The following ZNF519 variants were observed in gnomAD, a reference collection of about 807,000 sequenced individuals.
ZNF519 encodes zinc finger protein 519.
A neutral mutation model predicts 7.4 loss-of-function variants in ZNF519; 7 were observed. That is an observed-to-expected ratio of 0.94 (90% CI 0.54 to 1.77). ZNF519 has a LOEUF of 1.77. ZNF519 is among the 40% of genes most tolerant of loss of function. The pLI is 0.00. For missense variants in ZNF519, 586 were observed against 623.1 expected (o/e 0.94, Z 0.63); for synonymous variants, 179 against 203.3 (o/e 0.88, Z 1.02).
rs1441527312 is a variant in ZNF519 at position 14,104,231 on chromosome 18, G to C, written c.*686C>G. The C allele has an allele frequency of 6.6e-6, 1 of 152,124 alleles. No individual in the cohort carries two copies. Among genetic ancestry groups the C allele is most frequent in the Non-Finnish European group, 1.5e-5 (1 of 68,002 alleles). 9.4% of individuals were successfully genotyped at this position (152,124 alleles called of 1,614,324 possible). ...AGCAAGACCTTTTAATGGGTAGTTG[G>C]TAAAACTATTCATATCTAAAACTCA... is the stretch of plus-strand genomic sequence containing the variant. On this transcript the variant is annotated 3_prime_UTR_variant, in exon 3 of 3. Coordinates refer to ENST00000590202, the MANE Select transcript of ZNF519 (RefSeq NM_145287.4).
At chr18:14,118,477 C>T (rs923968906) in intron 2 of ZNF519, among the ~76,000 whole-genome samples, 5 of 152,142 alleles carry the variant, frequency 3.3e-5, no homozygotes, top group African/African-American at 1.2e-4. Context: ...GTATATGATT[C>T]CACTTACATA....
chr18:14,131,817 T>G (rs1304763745), intron 1 of ZNF519, among the ~76,000 whole-genome samples: 2 of 152,192 alleles, frequency 1.3e-5, no homozygotes, highest in African/African-American at 4.8e-5. Flanking sequence ...AAGCCTTTCT[T>G]TCAAGACCTT....
chr18:14,122,642 T>C (rs1056037320), intron 2 of ZNF519: 7 of 151,780 alleles, frequency 4.6e-5, no homozygotes, highest in African/African-American at 1.7e-4. Flanking sequence ...TTTAAGAGCA[T>C]GAGACAGAAG....
chr18:14,124,294 A>C (rs113557883), intron 2 of ZNF519, 56 bp downstream of exon 2: 3 of 1,519,552 alleles, frequency 2.0e-6, no homozygotes, highest in Admixed American at 4.4e-5. Context: ...GTCTACAAAG[A>C]AAGAAAATAA....
At chr18:14,099,825 C>G (rs1374193286), downstream of ZNF519, 1 of 152,136 alleles carries the variant, frequency 6.6e-6, no homozygotes, top group Non-Finnish European at 1.5e-5. Context: ...TCCAGCAACT[C>G]TGGAAAGATT....
chr18:14,096,769 A>G (rs1239146658), downstream of ZNF519, among the ~76,000 whole-genome samples: 1 of 152,206 alleles, frequency 6.6e-6, no homozygotes, highest in Non-Finnish European at 1.5e-5. Flanking sequence ...TCTCTTGTGC[A>G]AAACAGAAAA....
intron 3 of ZNF519, among the ~76,000 whole-genome samples, chr18:14,083,784 A>G (rs11872922): frequency 0.069 from 10,446 of 152,198 alleles, 1,186 homozygotes; most frequent in African/African-American, 0.24. Flanking sequence ...AATGAAGTCA[A>G]GTAGAACAAG....
chr18:14,120,016 T>G (rs1259865204), intron 2 of ZNF519, among the ~76,000 whole-genome samples: 1 of 152,172 alleles, frequency 6.6e-6, no homozygotes, highest in Non-Finnish European at 1.5e-5. Context: ...GATTTAAAGT[T>G]TTAGTGGAAT....
At chr18:14,116,484 T>C (rs1353933962) in intron 2 of ZNF519, among the ~76,000 whole-genome samples, 5 of 152,084 alleles carry the variant, frequency 3.3e-5, no homozygotes, top group African/African-American at 9.7e-5. Context: ...TGGAACAGAA[T>C]GGAGAACTCA....
intron 2 of ZNF519, chr18:14,090,147 A>C (rs1034719521): frequency 6.6e-6 from 1 of 152,200 alleles, no homozygotes; most frequent in African/African-American, 2.4e-5. Flanking sequence ...AGACCTGTTC[A>C]ATCTGTTAGA....
Position 14,102,856 on chromosome 18 carries a change from TAATATA to T in ZNF519, c.*2055_*2060del, listed in dbSNP as rs922491148. 2.0e-5 allele frequency: 3 copies of T among 152,034 alleles called. No individual in the cohort carries two copies. Among genetic ancestry groups the T allele is most frequent in the South Asian group, 2.1e-4 (1 of 4,830 alleles). 9.4% of individuals were successfully genotyped at this position (152,034 alleles called of 1,614,324 possible). A position where few individuals can be genotyped will look rare whatever the true frequency, so the allele number is the denominator to read the frequency against. On this transcript the variant is annotated 3_prime_UTR_variant, in exon 3 of 3. Transcript: ENST00000590202. ...GTAATATTTTATATCTCATTGGAAT[TAATATA>T]AATATAAAGCAGATTCTGATAAGGT... is the stretch of plus-strand genomic sequence containing the variant.
chr18:14,101,992 G>A lies in ZNF519; in HGVS notation c.*2925C>T, dbSNP rs992971970. 2.8e-6 allele frequency: 1 copy of A among 359,428 alleles called. No homozygotes were observed. Among genetic ancestry groups the A allele is most frequent in the African/African-American group, 2.1e-5 (1 of 47,788 alleles). The allele number at this position is 359,428 out of a possible 1,614,324, so 22.3% of individuals were successfully genotyped here. A position where few individuals can be genotyped will look rare whatever the true frequency, so the allele number is the denominator to read the frequency against. On this transcript the variant is annotated 3_prime_UTR_variant, in exon 3 of 3. Transcript: ENST00000590202. ...ATATTCTCTAATATTCAGGAATAAA[G>A]AGGTTTCCTACTGATTATGTTTTTT...
downstream of ZNF519, chr18:14,073,986 A>G (rs1350243670): frequency 6.6e-6 from 1 of 152,222 alleles, no homozygotes; most frequent in African/African-American, 2.4e-5. Flanking sequence ...GGGACAAGCC[A>G]GAAGATTTTT....
Position 14,100,918 on chromosome 18 carries a change from A to G in ZNF519, c.*3999T>C, listed in dbSNP as rs1329547956. 6.6e-6 allele frequency: 1 copy of G among 152,206 alleles called. No homozygotes were observed. Among genetic ancestry groups the G allele is most frequent in the Non-Finnish European group, 1.5e-5 (1 of 68,036 alleles). The allele number at this position is 152,206 out of a possible 1,614,324, so 9.4% of individuals were successfully genotyped here. A position where few individuals can be genotyped will look rare whatever the true frequency, so the allele number is the denominator to read the frequency against. On this transcript the variant is annotated 3_prime_UTR_variant, in exon 3 of 3. Coordinates refer to ENST00000590202, the MANE Select transcript of ZNF519 (RefSeq NM_145287.4). ...TTTTAAATAGTTTTATAATATGAAT[A>G]ACCAATCTATTCCCTCAGCAGTGCT... is the stretch of plus-strand genomic sequence containing the variant.
At position 14,100,850 on chromosome 18, in the gene ZNF519, T is replaced by C. The variant is rs2046156839; in HGVS notation, c.*4067A>G. ...TTCTATTACTGTCAATATCTTAGTT[T>C]TGATATTTTTATAATCTTATATCTT... On this transcript the variant is annotated 3_prime_UTR_variant, in exon 3 of 3. Transcript: ENST00000590202. 1 of 152,258 alleles carries C rather than the reference T, an allele frequency of 6.6e-6. No homozygotes were observed. Among genetic ancestry groups the C allele is most frequent in the African/African-American group, 2.4e-5 (1 of 41,464 alleles). The allele number at this position is 152,258 out of a possible 1,614,324, so 9.4% of individuals were successfully genotyped here. A position where few individuals can be genotyped will look rare whatever the true frequency, so the allele number is the denominator to read the frequency against.
chr18:14,124,541 A>T (rs1487583113), intron 1 of ZNF519, 65 bp from the exon 2 acceptor site: 1 of 1,549,796 alleles, frequency 6.5e-7, no homozygotes, highest in African/African-American at 1.4e-5. Context: ...AGTTAAAATA[A>T]CTAGTTCTGA....
chr18:14,072,974 T>C (rs919590638), downstream of ZNF519: 53 of 152,256 alleles, frequency 3.5e-4, no homozygotes, highest in African/African-American at 1.1e-3. Context: ...CCAAGCACCA[T>C]AGCCAGATTT....
chr18:14,078,464 C>A (rs1353728258), intron 3 of ZNF519, among the ~76,000 whole-genome samples: 2 of 151,934 alleles, frequency 1.3e-5, no homozygotes, highest in African/African-American at 4.8e-5. Context: ...TCAAATAGTC[C>A]CTTTCACACA....
chr18:14,125,016 C>T (rs920637149), intron 1 of ZNF519, among the ~76,000 whole-genome samples: 2 of 152,156 alleles, frequency 1.3e-5, no homozygotes, highest in Non-Finnish European at 2.9e-5. Context: ...CTCACTGTTA[C>T]AAAATTTTGC....
Sources: gnomAD v4.1 joint callset for allele counts (sites outside exome capture counted in the v4.1 genomes callset) on GRCh38, gnomAD v4.1.1 for gene constraint, MANE v1.5 for transcripts, NCBI Gene and HGNC (gene_info 2026-07-23, HGNC 2026-07-21) for gene names.